The following PLB1 variants were observed in gnomAD, a reference collection of about 807,000 sequenced individuals.
The protein encoded by PLB1 is phospholipase B1, membrane-associated.
PLB1 carries 242 observed loss-of-function variants against 227.4 expected under a neutral mutation model. That is an observed-to-expected ratio of 1.06 (90% CI 0.96 to 1.18). PLB1 has a LOEUF of 1.18. Ranked by LOEUF, PLB1 falls within the 50% of genes most tolerant of loss-of-function variation. The pLI, the probability that PLB1 is intolerant of heterozygous loss-of-function variation, is 0.00. For synonymous variants in PLB1, 757 were observed against 682.2 expected, an observed-to-expected ratio of 1.11 and a Z score of -1.71; for missense variants, 1,858 against 1,816.3, an observed-to-expected ratio of 1.02 and a Z score of -0.42.
chr2:28,539,239 T>C, intron 11 of PLB1, 61 bp downstream of exon 11: 1 of 1,440,368 alleles, frequency 6.9e-7, no homozygotes, highest in South Asian at 1.1e-5. Context: ...GTGCGGCCTG[T>C]GGGGGCCCTT....
intron 11 of PLB1, 149 bp from the exon 12 acceptor site, chr2:28,540,217 C>A: frequency 1.6e-6 from 1 of 640,512 alleles, no homozygotes; most frequent in Non-Finnish European, 2.8e-6. Context: ...TTCTTCTCAA[C>A]ATTTATGTCC....
At chr2:28,582,896 A>G (rs2148272274) in intron 25 of PLB1, among the ~76,000 whole-genome samples, 1 of 152,254 alleles carries the variant, frequency 6.6e-6, no homozygotes, top group East Asian at 1.9e-4. Flanking sequence ...CCCCTCCTAG[A>G]GGCCCATCTC....
rs367597002 is a variant in PLB1 at position 28,632,983 on chromosome 2, T to G, written c.4042T>G (p.Phe1348Val). 1.2e-6 allele frequency: 2 copies of G among 1,606,586 alleles called. No homozygotes were observed. The highest frequency in any genetic ancestry group is 2.9e-5 in the African/African-American group (2 of 68,208). ...TDLTFFSEDCFHFSDRGHAEM... is the reference protein window; with the variant it reads ...TDLTFFSEDCVHFSDRGHAEM... ...CCTCACCTTCTTCTCCGAGGACTGT[T>G]TTCACTTCTCAGACCGCGGGCATGC... is the stretch of plus-strand genomic sequence containing the variant. The change falls in exon 56 of 58, where the codon TTT becomes GTT. Residue 1348 changes from phenylalanine to valine, a missense_variant. Transcript: ENST00000327757.
At chr2:28,616,506 T>G (rs1235694151) in intron 44 of PLB1, among the ~76,000 whole-genome samples, 1 of 152,270 alleles carries the variant, frequency 6.6e-6, no homozygotes, top group Non-Finnish European at 1.5e-5. Flanking sequence ...GGGATTTGGA[T>G]GCACTGATTT....
intron 5 of PLB1, 128 bp from the exon 6 acceptor site, chr2:28,525,777 G>A: frequency 8.7e-7 from 1 of 1,151,178 alleles, no homozygotes; most frequent in Non-Finnish European, 1.2e-6. Context: ...ACCCCTGGGA[G>A]GATAATCCCA....
At chr2:28,597,445 CAA>C in intron 33 of PLB1, among the ~76,000 whole-genome samples, 1 of 152,118 alleles carries the variant, frequency 6.6e-6, no homozygotes, top group Middle Eastern at 3.4e-3. Context: ...TAAAAGGAAA[CAA>C]AATAGGGTGT....
chr2:28,628,845 C>A (rs1446030924), intron 52 of PLB1, among the ~76,000 whole-genome samples: 1 of 152,156 alleles, frequency 6.6e-6, no homozygotes, highest in East Asian at 1.9e-4. Context: ...GCCTCTGAAC[C>A]AATTGGCCCA....
At chr2:28,557,924 A>G (rs528286306) in intron 17 of PLB1, among the ~76,000 whole-genome samples, 1 of 152,358 alleles carries the variant, frequency 6.6e-6, no homozygotes, top group Admixed American at 6.5e-5. Flanking sequence ...CTTAACAATA[A>G]GATCACAGAT....
chr2:28,601,635 C>G (rs551225597), intron 37 of PLB1, among the ~76,000 whole-genome samples: 1 of 152,318 alleles, frequency 6.6e-6, no homozygotes, highest in African/African-American at 2.4e-5. Context: ...GAAACTGTAG[C>G]AAGCAATTGG....
Position 28,591,159 on chromosome 2 carries a change from G to A in PLB1, c.2115G>A (p.Lys705=). The A allele has an allele frequency of 6.2e-7, 1 of 1,614,194 alleles. No homozygotes were observed. Among genetic ancestry groups the A allele is most frequent in the Admixed American group, 1.7e-5 (1 of 60,026 alleles). Residue 705 remains lysine, a synonymous_variant, in exon 30 of 58, where the codon AAG becomes AAA. Coordinates refer to ENST00000327757, the MANE Select transcript of PLB1 (RefSeq NM_153021.5). ...NQVQPFLRTY[K]NSMQGHGTWL... ...TCCAGCCGTTTCTGAGGACCTACAA[G>A]AACAGCATGCAGGTACCTGCCTCTT...
intron 46 of PLB1, among the ~76,000 whole-genome samples, chr2:28,619,519 G>GTT (rs776491318): frequency 1.7e-4 from 21 of 124,608 alleles, no homozygotes; most frequent in African/African-American, 5.4e-4. Context: ...AAATTTCAAG[G>GTT]TTTTGTTTTT....
At position 28,579,637 on chromosome 2, in the gene PLB1, T is replaced by TA. The variant is rs758568793; in HGVS notation, c.1496_1497insA (p.Phe499LeufsTer16). On this transcript the variant is annotated frameshift_variant, in exon 23 of 58. Transcript: ENST00000327757. LOFTEE classifies it high-confidence loss of function. ...TTCTATTCATTTCAGAGGATACACT[T>TA]TCAGGAAGACTGGAAGATAATAACC... 6.8e-5 allele frequency: 109 copies of TA among 1,612,050 alleles called. No individual in the cohort carries two copies. Among genetic ancestry groups the TA allele is most frequent in the Non-Finnish European group, 8.8e-5 (104 of 1,178,372 alleles).
intron 1 of PLB1, among the ~76,000 whole-genome samples, chr2:28,513,902 G>T (rs1668551644): frequency 6.6e-6 from 1 of 152,166 alleles, no homozygotes. Context: ...AACTCTTGCT[G>T]CTATAAAATT....
chr2:28,642,593 A>G (rs1435112144), intron 57 of PLB1, among the ~76,000 whole-genome samples: 6 of 152,144 alleles, frequency 3.9e-5, no homozygotes, highest in African/African-American at 1.4e-4. Flanking sequence ...TCAGTTCCCA[A>G]TCTTTCAAAA....
chr2:28,562,657 T>C (rs1217130883), intron 17 of PLB1, among the ~76,000 whole-genome samples: 3 of 151,392 alleles, frequency 2.0e-5, no homozygotes, highest in Non-Finnish European at 4.4e-5. Flanking sequence ...GATCCTAGAA[T>C]AGATTAAGTA....
In PLB1 at chr2:28,620,930, G is replaced by T; in HGVS notation, c.3479G>T (p.Trp1160Leu). 1 of 1,613,892 alleles carries T rather than the reference G, an allele frequency of 6.2e-7. No individual in the cohort carries two copies. Among genetic ancestry groups the T allele is most frequent in the East Asian group, 2.2e-5 (1 of 44,878 alleles). The change falls in exon 49 of 58, where the codon TGG becomes TTG. Residue 1160 changes from tryptophan to leucine, a missense_variant. By Grantham distance (61) the Trp-to-Leu change is moderately conservative. Coordinates refer to ENST00000327757, the MANE Select transcript of PLB1 (RefSeq NM_153021.5). The stretch of plus-strand genomic sequence containing the variant: ...CTCCTTGGCTTCTCTACCAGCACCT[G>T]GGAGGGGACAGCAGGACTAAATGTG... ...PYLLGFSTST[W>L]EGTAGLNVAA... is the part of the protein sequence containing the mutation.
intron 4 of PLB1, 141 bp downstream of exon 4, chr2:28,519,904 T>A (rs1229158050): frequency 2.8e-6 from 1 of 351,924 alleles, no homozygotes; most frequent in Non-Finnish European, 5.2e-6. Flanking sequence ...GGTTGAATCT[T>A]TTTATTTTTA....
intron 51 of PLB1, among the ~76,000 whole-genome samples, chr2:28,626,720 G>A (rs1035693148): frequency 6.6e-6 from 1 of 152,208 alleles, no homozygotes; most frequent in Non-Finnish European, 1.5e-5. Flanking sequence ...AGGTGCATTG[G>A]TTCCCCAATT....
At chr2:28,642,628 C>G (rs1690097910) in intron 57 of PLB1, among the ~76,000 whole-genome samples, 1 of 152,184 alleles carries the variant, frequency 6.6e-6, no homozygotes. Context: ...CAAGGAAACG[C>G]TGGTGAGAAA....
Sources: allele counts gnomAD v4.1 joint callset (sites outside exome capture counted in the v4.1 genomes callset), GRCh38; gene constraint gnomAD v4.1.1; transcripts MANE v1.5; gene names NCBI Gene and HGNC (gene_info 2026-07-23, HGNC 2026-07-21).